Variants in SHISA6 observed in about 807,000 individuals in gnomAD.
SHISA6 encodes protein shisa-6.
Under a neutral mutation model 47.9 loss-of-function variants are expected in SHISA6, and 22 were observed. The observed-to-expected ratio is 0.46, with a 90% CI of 0.33 to 0.66. SHISA6 has a LOEUF of 0.66. Ranked by LOEUF, SHISA6 falls within the 30% of genes least tolerant of loss-of-function variation. SHISA6 has a pLI of 0.02. For missense variants in SHISA6, 680 were observed against 764.6 expected (o/e 0.89, Z 1.30); for synonymous variants, 388 against 337.8 (o/e 1.15, Z -1.63).
intron 3 of SHISA6, among the ~76,000 whole-genome samples, chr17:11,539,816 AG>A (rs2142377935): frequency 6.6e-6 from 1 of 152,334 alleles, no homozygotes; most frequent in South Asian, 2.1e-4. Flanking sequence ...TCCATCAGGA[AG>A]GCTGATATCC....
chr17:11,324,031 C>T (rs1315325500), intron 2 of SHISA6, among the ~76,000 whole-genome samples: 4 of 152,146 alleles, frequency 2.6e-5, no homozygotes, highest in African/African-American at 4.8e-5. Context: ...GACATCTCAG[C>T]GTGCACACCC....
intron 2 of SHISA6, among the ~76,000 whole-genome samples, chr17:11,277,561 C>T (rs770416433): frequency 6.6e-6 from 1 of 152,068 alleles, no homozygotes; most frequent in African/African-American, 2.4e-5. Context: ...AGAATGAATG[C>T]CCTTATTTAA....
intron 2 of SHISA6, among the ~76,000 whole-genome samples, chr17:11,337,072 C>G (rs1258816793): frequency 3.3e-5 from 5 of 152,110 alleles, no homozygotes; most frequent in Admixed American, 3.3e-4. Flanking sequence ...TAAGATGGAG[C>G]CCTACATCTT....
At chr17:11,256,477 C>T (rs2142140937) in intron 1 of SHISA6, among the ~76,000 whole-genome samples, 1 of 152,256 alleles carries the variant, frequency 6.6e-6, no homozygotes, top group African/African-American at 2.4e-5. Context: ...GTCTGGGTAA[C>T]AGAGCGAGAC....
chr17:11,339,429 C>CG (rs775938618), intron 2 of SHISA6, among the ~76,000 whole-genome samples: 1 of 151,728 alleles, frequency 6.6e-6, no homozygotes, highest in Non-Finnish European at 1.5e-5. Context: ...TCACTACACC[C>CG]CCCCTCCTTT....
intron 3 of SHISA6, among the ~76,000 whole-genome samples, chr17:11,429,502 C>A (rs778090350): frequency 2.0e-5 from 3 of 151,922 alleles, no homozygotes; most frequent in Non-Finnish European, 4.4e-5. Context: ...AATATCCGGC[C>A]AGGCGCCTTG....
chr17:11,428,641 T>C (rs1399989929), intron 3 of SHISA6, among the ~76,000 whole-genome samples: 1 of 152,222 alleles, frequency 6.6e-6, no homozygotes, highest in Non-Finnish European at 1.5e-5. Context: ...ACATTTATGA[T>C]TTCACAGCTT....
chr17:11,438,679 T>C (rs1161924761), intron 3 of SHISA6, among the ~76,000 whole-genome samples: 2 of 152,200 alleles, frequency 1.3e-5, no homozygotes, highest in Non-Finnish European at 2.9e-5. Context: ...CAAATATAGT[T>C]ACACTGGGAG....
intron 2 of SHISA6, among the ~76,000 whole-genome samples, chr17:11,298,356 C>T (rs781743470): frequency 3.9e-5 from 6 of 152,134 alleles, no homozygotes; most frequent in Admixed American, 2.0e-4. Context: ...GATTTGTGCT[C>T]GTGAGTTTAA....
intron 3 of SHISA6, among the ~76,000 whole-genome samples, chr17:11,461,490 T>A (rs558858791): frequency 6.6e-6 from 1 of 150,922 alleles, no homozygotes; most frequent in African/African-American, 2.4e-5. Flanking sequence ...ATGAAGTAGG[T>A]TTTTACTCAC....
intron 3 of SHISA6, among the ~76,000 whole-genome samples, chr17:11,502,027 A>G (rs1215721303): frequency 1.3e-5 from 2 of 152,162 alleles, no homozygotes; most frequent in African/African-American, 2.4e-5. Flanking sequence ...CCTGGGCTTT[A>G]GGAACAAAGA....
At chr17:11,287,797 T>A (rs1249816584) in intron 2 of SHISA6, among the ~76,000 whole-genome samples, 2 of 136,468 alleles carry the variant, frequency 1.5e-5, no homozygotes, top group Non-Finnish European at 3.2e-5. Context: ...ATATTCTCAC[T>A]TAATAATATA....
chr17:11,491,294 G>T (rs1450315802), intron 3 of SHISA6, among the ~76,000 whole-genome samples: 3 of 152,102 alleles, frequency 2.0e-5, no homozygotes, highest in Non-Finnish European at 1.5e-5. Flanking sequence ...GAGAGGGAAA[G>T]AATTTTTTTT....
At chr17:11,342,368 G>A (rs1021495933) in intron 2 of SHISA6, among the ~76,000 whole-genome samples, 11 of 151,874 alleles carry the variant, frequency 7.2e-5, no homozygotes, top group Admixed American at 5.9e-4. Flanking sequence ...CAGGAGAGAG[G>A]GCGTGTTGGA....
At chr17:11,526,800 T>A (rs1458266502) in intron 3 of SHISA6, among the ~76,000 whole-genome samples, 1 of 150,940 alleles carries the variant, frequency 6.6e-6, no homozygotes, top group East Asian at 1.9e-4. Context: ...TTTATAATTA[T>A]TTTGTATTCA....
chr17:11,402,413 C>T (rs1178697827), intron 3 of SHISA6, among the ~76,000 whole-genome samples: 1 of 152,186 alleles, frequency 6.6e-6, no homozygotes, highest in Non-Finnish European at 1.5e-5. Flanking sequence ...ATACACAGTT[C>T]TTGAAATATA....
In SHISA6 at chr17:11,508,550, TCTCCC is replaced by T. The variant is rs1305580649; in HGVS notation, c.896-43328_896-43324del. 8.3e-5 allele frequency among the ~76,000 whole-genome samples: 8 copies of T among 96,310 alleles called. 1 individual carries two copies. Among genetic ancestry groups the T allele is most frequent in the African/African-American group, 1.3e-4 (3 of 23,574 alleles). The allele number at this position is 96,310 out of a possible 152,430, so 63.2% of individuals were successfully genotyped here. A position where few individuals can be genotyped will look rare whatever the true frequency, so the allele number is the denominator to read the frequency against. ...ATGGTTGAATCAGCCCCTCCCCTCC[TCTCCC>T]CTCCCCTCCCCTCCCCTTCCTTTCC... On this transcript the variant is annotated intron_variant, in intron 3 of 5. Transcript: ENST00000441885.
intron 2 of SHISA6, among the ~76,000 whole-genome samples, chr17:11,320,284 G>T (rs1227076342): frequency 6.6e-6 from 1 of 152,208 alleles, no homozygotes; most frequent in East Asian, 1.9e-4. Flanking sequence ...CTGTTTCAGA[G>T]AAATTGGGAA....
intron 3 of SHISA6, among the ~76,000 whole-genome samples, chr17:11,532,507 G>C (rs932790358): frequency 2.6e-5 from 4 of 152,208 alleles, no homozygotes; most frequent in Non-Finnish European, 4.4e-5. Flanking sequence ...GCGCGCACGC[G>C]CGTATGTGTG....
Sources: allele counts gnomAD v4.1 joint callset (sites outside exome capture counted in the v4.1 genomes callset), GRCh38; gene constraint gnomAD v4.1.1; transcripts MANE v1.5; gene names NCBI Gene and HGNC (gene_info 2026-07-23, HGNC 2026-07-21).